The following HNRNPUL1 variants were observed in gnomAD, a reference collection of about 807,000 sequenced individuals.
HNRNPUL1 encodes the protein heterogeneous nuclear ribonucleoprotein U like 1.
In HNRNPUL1, 14 loss-of-function variants were observed where a neutral mutation model predicts 108.5. The observed-to-expected ratio is 0.13, with a 90% CI of 0.09 to 0.20. The LOEUF (loss-of-function observed/expected upper bound fraction) is 0.20. Ranked by LOEUF, HNRNPUL1 falls within the 10% of genes least tolerant of loss-of-function variation. The pLI is 1.00. For synonymous variants in HNRNPUL1, 422 were observed against 445.2 expected (o/e 0.95, Z 0.66); for missense variants, 804 against 1,168.3 (o/e 0.69, Z 4.55).
At position 41,291,979 on chromosome 19, in the gene HNRNPUL1, C is replaced by CAAA. The variant is rs534769812; in HGVS notation, c.1000-254_1000-252dup. 1.2e-3 allele frequency: 285 copies of CAAA among 237,754 alleles called. 2 individuals carry two copies. The highest frequency in any genetic ancestry group is 2.5e-3 in the South Asian group (74 of 29,070). The allele number at this position is 237,754 out of a possible 1,614,324, so 14.7% of individuals were successfully genotyped here. A position where few individuals can be genotyped will look rare whatever the true frequency, so the allele number is the denominator to read the frequency against. ...TGGGGGACAGGGTGAGACCCTGTCTCAAAAAAAAAAAAAACAAAAAAAAAA... is the reference window on the plus strand; with the variant it reads ...TGGGGGACAGGGTGAGACCCTGTCTCAAAAAAAAAAAAAAAAACAAAAAAAAAA... On this transcript the variant is annotated intron_variant, in intron 7 of 14. Transcript: ENST00000392006.
chr19:41,264,876 G>C, intron 1 of HNRNPUL1, 78 bp downstream of exon 1: 1 of 1,343,600 alleles, frequency 7.4e-7, no homozygotes, highest in Non-Finnish European at 9.5e-7. Context: ...GGAGTCCAGC[G>C]CCTGAGGTCG....
rs367672281 is a variant in HNRNPUL1, at chr19:41,302,738, G to A, written c.1761G>A (p.Ala587=). ...TCATTGAGCTGCAGCGGGAGGAAGC[G>A]GACAAGCTAGTGAGGCAGTACAACG... is the stretch of plus-strand genomic sequence containing the variant. ...VLFIELQREE[A]DKLVRQYNEE... The change falls in exon 12 of 15, where the codon GCG becomes GCA. Residue 587 remains alanine, a synonymous_variant. Coordinates refer to ENST00000392006, the MANE Select transcript of HNRNPUL1 (RefSeq NM_007040.6). 36 of 1,614,046 alleles carry A rather than the reference G, an allele frequency of 2.2e-5. No homozygotes were observed. The highest frequency in any genetic ancestry group is 2.0e-4 in the East Asian group (9 of 44,880).
intron 7 of HNRNPUL1, among the ~76,000 whole-genome samples, chr19:41,283,545 TC>T (rs1317830240): frequency 1.3e-5 from 2 of 152,214 alleles, no homozygotes; most frequent in Non-Finnish European, 1.5e-5. Context: ...AACCTCCGCT[TC>T]CTGGGTTCAA....
Position 41,305,963 on chromosome 19 carries a change from AAGAC to A in HNRNPUL1, c.2454+99_2454+102del, listed in dbSNP as rs1403123009. On this transcript the variant is annotated intron_variant, in intron 14 of 14. Transcript: ENST00000392006. ...ACTTAAGTCCCTGCTTATCCCTAAA[AAGAC>A]AGCCTGCTGGCCTCGGCCTGGCGTT... 15 of 842,920 alleles carry A rather than the reference AAGAC, an allele frequency of 1.8e-5. No individual in the cohort carries two copies. In the African/African-American group the frequency reaches 2.6e-4, roughly 14 times the overall value. 52.2% of individuals were successfully genotyped at this position (842,920 alleles called of 1,614,324 possible).
Position 41,268,361 on chromosome 19 carries a change from T to C in HNRNPUL1, c.418+16T>C, listed in dbSNP as rs373327005. 408 of 1,612,280 alleles carry C rather than the reference T, an allele frequency of 2.5e-4. 1 individual carries two copies. The African/African-American group carries it at 4.6e-3, about 18-fold the overall frequency. ...TATCGTCCAGGTAGGAAAATACACA[T>C]GGTTCATCTCTTTGGATGGAAACAA... On this transcript the variant is annotated intron_variant, in intron 2 of 14. Transcript: ENST00000392006.
chr19:41,303,084 A>C, intron 12 of HNRNPUL1, 135 bp downstream of exon 12: 1 of 1,018,424 alleles, frequency 9.8e-7, no homozygotes, highest in Non-Finnish European at 1.4e-6. Context: ...AACTTGAAAC[A>C]AGTCAGACAC....
At chr19:41,282,327 C>T (rs754730491) in intron 7 of HNRNPUL1, among the ~76,000 whole-genome samples, 46 of 152,244 alleles carry the variant, frequency 3.0e-4, no homozygotes, top group Non-Finnish European at 5.3e-4. Flanking sequence ...GGATTGCAGG[C>T]ATGCACCACT....
chr19:41,282,729 G>C (rs1403884109), intron 7 of HNRNPUL1, among the ~76,000 whole-genome samples: 1 of 138,048 alleles, frequency 7.2e-6, no homozygotes, highest in Non-Finnish European at 1.5e-5. Context: ...TCGCTCTGTC[G>C]CCCAGGCTGG....
chr19:41,264,102 G>T (rs1188436101), upstream of HNRNPUL1, among the ~76,000 whole-genome samples: 1 of 152,196 alleles, frequency 6.6e-6, no homozygotes, highest in African/African-American at 2.4e-5. Context: ...ATTTTCATTG[G>T]ACCTTACGGC....
At position 41,294,224 on chromosome 19, in the gene HNRNPUL1, C is replaced by T. The variant is rs544216064; in HGVS notation, c.1267-114C>T. The T allele has an allele frequency of 6.4e-5, 78 of 1,210,552 alleles. No homozygotes were observed. Among genetic ancestry groups the T allele is most frequent in the South Asian group, 2.3e-4 (17 of 72,850 alleles). The allele number at this position is 1,210,552 out of a possible 1,614,324, so 75.0% of individuals were successfully genotyped here. On this transcript the variant is annotated intron_variant, in intron 8 of 14. Coordinates refer to ENST00000392006, the MANE Select transcript of HNRNPUL1 (RefSeq NM_007040.6). This position sits in a 1 kb window ranked among gnomAD's most constrained non-coding sequence, Gnocchi z 4.3. ...GTGAGGTAGATGGTATTACTGCTTC[C>T]GCTTTGTAGAGGCAGCCACAGCTCA... is the stretch of plus-strand genomic sequence containing the variant.
At chr19:41,303,915 C>T (rs2037388029) in intron 12 of HNRNPUL1, 57 bp from the exon 13 acceptor site, 10 of 1,563,180 alleles carry the variant, frequency 6.4e-6, no homozygotes, top group Non-Finnish European at 8.7e-6. Context: ...CAACCCAGTT[C>T]CCTGGGGTTG....
chr19:41,277,180 C>T (rs1338918435), intron 5 of HNRNPUL1, among the ~76,000 whole-genome samples: 1 of 152,142 alleles, frequency 6.6e-6, no homozygotes, highest in Non-Finnish European at 1.5e-5. Flanking sequence ...TACCATCCTA[C>T]TCCCTGGAGG....
intron 12 of HNRNPUL1, among the ~76,000 whole-genome samples, chr19:41,303,235 TG>T (rs1192041543): frequency 1.3e-5 from 2 of 152,066 alleles, no homozygotes; most frequent in Non-Finnish European, 2.9e-5. Context: ...ATGAGCTCCT[TG>T]GAAATAGGAT....
intron 1 of HNRNPUL1, chr19:41,265,134 G>A: frequency 1.4e-6 from 2 of 1,422,916 alleles, no homozygotes; most frequent in Non-Finnish European, 1.8e-6. Flanking sequence ...TTTCCGTTTG[G>A]GTTGGGGAGG....
intron 10 of HNRNPUL1, among the ~76,000 whole-genome samples, chr19:41,300,935 G>T (rs2037174830): frequency 6.6e-6 from 1 of 152,188 alleles, no homozygotes; most frequent in Admixed American, 6.5e-5. Context: ...ACTGTCCAAA[G>T]GAGCTGGTTA....
intron 10 of HNRNPUL1, among the ~76,000 whole-genome samples, chr19:41,300,908 T>C (rs2037173081): frequency 6.6e-6 from 1 of 152,128 alleles, no homozygotes; most frequent in Admixed American, 6.5e-5. Context: ...CCAATGTTAA[T>C]AAGAACAAAC....
rs1417830606 is a variant in HNRNPUL1, at chr19:41,287,558, A to G, written c.1000-4687A>G. Among the ~76,000 whole-genome samples, 8 of 151,600 alleles carry G rather than the reference A, an allele frequency of 5.3e-5. No individual in the cohort carries two copies. The East Asian group carries it at 1.5e-3, about 29-fold the overall frequency. On this transcript the variant is annotated intron_variant, in intron 7 of 14. Coordinates refer to ENST00000392006, the MANE Select transcript of HNRNPUL1 (RefSeq NM_007040.6). Reference sequence around the variant, plus strand: ...TTTTTTTGCATTTCAGGATCTCAGTATCTTTTTGTTTTTGTTTTTGAGACA... The same window carrying G: ...TTTTTTTGCATTTCAGGATCTCAGTGTCTTTTTGTTTTTGTTTTTGAGACA...
At position 41,292,521 on chromosome 19, in the gene HNRNPUL1, G is replaced by T; in HGVS notation, c.1266+10G>T. On this transcript the variant is annotated intron_variant, in intron 8 of 14. Coordinates refer to ENST00000392006, the MANE Select transcript of HNRNPUL1 (RefSeq NM_007040.6). This position sits in a 1 kb window ranked among gnomAD's most constrained non-coding sequence, Gnocchi z 4.1. ...CAAGGCAGAATGTGAGGTGAGTGGG[G>T]CCAGAATGTATTGGTGGCCACCTTG... The T allele has an allele frequency of 6.2e-7, 1 of 1,603,270 alleles. No individual in the cohort carries two copies. Among genetic ancestry groups the T allele is most frequent in the East Asian group, 2.2e-5 (1 of 44,532 alleles).
chr19:41,292,587 G>C lies in HNRNPUL1; in HGVS notation c.1266+76G>C, dbSNP rs1027943255. 2.4e-5 allele frequency: 33 copies of C among 1,387,040 alleles called. No homozygotes were observed. Among genetic ancestry groups the C allele is most frequent in the Non-Finnish European group, 3.1e-5 (31 of 998,604 alleles). 85.9% of individuals were successfully genotyped at this position (1,387,040 alleles called of 1,614,324 possible). ...AGACACACACACACACACACACACA[G>C]ACTTGCTGCGAGAGTAGCCTTGGGG... On this transcript the variant is annotated intron_variant, in intron 8 of 14. Transcript: ENST00000392006. The surrounding 1 kb of genome is among the most constrained non-coding windows in gnomAD (Gnocchi z 4.1).
Sources: gnomAD v4.1 joint callset for allele counts (sites outside exome capture counted in the v4.1 genomes callset) on GRCh38, gnomAD v4.1.1 for gene constraint, Gnocchi (gnomAD v3.1) non-coding constraint, MANE v1.5 for transcripts, NCBI Gene and HGNC (gene_info 2026-07-23, HGNC 2026-07-21) for gene names.